Variants in ROBO2 observed in about 807,000 individuals in gnomAD.
ROBO2 encodes roundabout guidance receptor 2.
Under a neutral mutation model 160.8 loss-of-function variants are expected in ROBO2, and 53 were observed. The ratio of observed to expected loss-of-function variants is 0.33; its 90% confidence interval spans 0.26 to 0.41. The LOEUF (loss-of-function observed/expected upper bound fraction) is 0.41. Among genes scored for constraint, ROBO2 ranks in the 10% least tolerant of loss-of-function variants. The pLI is 1.00. For missense variants in ROBO2, 1,577 were observed against 1,722.4 expected, an observed-to-expected ratio of 0.92 and a Z score of 1.49; for synonymous variants, 664 against 611.7, an observed-to-expected ratio of 1.09 and a Z score of -1.26.
chr3:76,019,891 G>T (rs1196828157), intron 2 of ROBO2, among the ~76,000 whole-genome samples: 1 of 151,378 alleles, frequency 6.6e-6, no homozygotes, highest in Admixed American at 6.6e-5. Flanking sequence ...TCCCCACATG[G>T]TTAGGTTTCC....
intron 2 of ROBO2, among the ~76,000 whole-genome samples, chr3:76,389,182 T>G (rs1234194038): frequency 6.6e-6 from 1 of 152,246 alleles, no homozygotes; most frequent in Non-Finnish European, 1.5e-5. Context: ...CATTGTAAAC[T>G]GGTAATGAAA....
At position 77,012,185 on chromosome 3, in the gene ROBO2, T is replaced by C. The variant is rs7612756; in HGVS notation, c.110-85829T>C. Among the ~76,000 whole-genome samples, 964 of 152,276 alleles carry C rather than the reference T, an allele frequency of 6.3e-3. 9 individuals carry two copies. Among genetic ancestry groups the C allele is most frequent in the African/African-American group, 0.022 (921 of 41,556 alleles). ...TTTTATTTGATACTTCGGGAATGTGTACAGTTTATACTGTGGTTTTCTGTT... is the reference window on the plus strand; with the variant it reads ...TTTTATTTGATACTTCGGGAATGTGCACAGTTTATACTGTGGTTTTCTGTT... On this transcript the variant is annotated intron_variant, in intron 2 of 26. Coordinates refer to the ROBO2 transcript ENST00000487694.
At chr3:77,467,817 C>G (rs2082944122) in intron 2 of ROBO2, among the ~76,000 whole-genome samples, 1 of 151,566 alleles carries the variant, frequency 6.6e-6, no homozygotes, top group African/African-American at 2.4e-5. Context: ...TCTTCTAATG[C>G]CCAAAGTTAT....
intron 2 of ROBO2, among the ~76,000 whole-genome samples, chr3:76,906,503 T>C (rs1388808350): frequency 6.6e-6 from 1 of 151,772 alleles, no homozygotes; most frequent in Non-Finnish European, 1.5e-5. Flanking sequence ...CTGATAATAA[T>C]AATTATTATT....
chr3:76,986,454 T>C lies in ROBO2; in HGVS notation c.110-111560T>C, dbSNP rs143012478. ...TTTTAGGTAAACACAGGTAACCGTG[T>C]CTTAATTTCCTATTACTCATTGCCA... On this transcript the variant is annotated intron_variant, in intron 2 of 26. Transcript: ENST00000487694. Among the ~76,000 whole-genome samples, 890 of 152,184 alleles carry C rather than the reference T, an allele frequency of 5.8e-3. 10 individuals carry two copies. The highest frequency in any genetic ancestry group is 0.02 in the African/African-American group (849 of 41,538).
At chr3:75,960,982 CATA>C (rs1214145009) in intron 2 of ROBO2, among the ~76,000 whole-genome samples, 2 of 151,494 alleles carry the variant, frequency 1.3e-5, no homozygotes, top group African/African-American at 4.8e-5. Flanking sequence ...ATAATGGAGA[CATA>C]GTAGACAAGA....
At chr3:77,524,205 G>T (rs1028727349) in intron 6 of ROBO2, among the ~76,000 whole-genome samples, 1 of 151,078 alleles carries the variant, frequency 6.6e-6, no homozygotes, top group African/African-American at 2.4e-5. Context: ...AGACAAAATT[G>T]ACAGCTAGTT....
chr3:76,155,365 G>A lies in ROBO2; in HGVS notation c.109+217763G>A, dbSNP rs553626032. On this transcript the variant is annotated intron_variant, in intron 2 of 26. Transcript: ENST00000487694. ...CAATCTGCCAGATATGCAGAGAACC[G>A]TGAGAATGCAAATCAGCAAAATAGA... Among the ~76,000 whole-genome samples the A allele has an allele frequency of 1.7e-3, 252 of 152,224 alleles. 1 individual carries two copies. The highest frequency in any genetic ancestry group is 4.2e-3 in the African/African-American group (175 of 41,556).
chr3:76,359,631 A>G (rs1266144554), intron 2 of ROBO2, among the ~76,000 whole-genome samples: 2 of 152,040 alleles, frequency 1.3e-5, no homozygotes, highest in African/African-American at 2.4e-5. Context: ...CATCATTTCT[A>G]TCATAAGGAA....
intron 2 of ROBO2, among the ~76,000 whole-genome samples, chr3:76,808,430 C>G (rs1457619590): frequency 6.6e-6 from 1 of 151,972 alleles, no homozygotes; most frequent in Non-Finnish European, 1.5e-5. Flanking sequence ...AGGTAATATT[C>G]TAGGTGTTAG....
At chr3:76,471,431 A>G (rs769400235) in intron 2 of ROBO2, among the ~76,000 whole-genome samples, 7 of 152,128 alleles carry the variant, frequency 4.6e-5, no homozygotes, top group Admixed American at 1.3e-4. Context: ...CTACAAGGGA[A>G]GCCTGATAAC....
intron 2 of ROBO2, among the ~76,000 whole-genome samples, chr3:76,228,008 CCTTTA>C (rs1172768067): frequency 6.6e-6 from 1 of 151,986 alleles, no homozygotes; most frequent in Non-Finnish European, 1.5e-5. Context: ...TTGCTATTTT[CCTTTA>C]AAGTATTGAC....
chr3:77,153,445 A>G (rs183687431), intron 2 of ROBO2, among the ~76,000 whole-genome samples: 1 of 152,212 alleles, frequency 6.6e-6, no homozygotes, highest in African/African-American at 2.4e-5. Flanking sequence ...CATTCTTTGT[A>G]ATTACCATTG....
intron 2 of ROBO2, among the ~76,000 whole-genome samples, chr3:76,641,491 A>G (rs999607339): frequency 1.8e-4 from 27 of 152,210 alleles, no homozygotes; most frequent in African/African-American, 6.5e-4. Flanking sequence ...AAAAGTACAT[A>G]GATCATGAAG....
intron 2 of ROBO2, among the ~76,000 whole-genome samples, chr3:76,893,624 T>C (rs1015580421): frequency 2.0e-5 from 3 of 152,114 alleles, no homozygotes; most frequent in Admixed American, 6.6e-5. Context: ...TCAGGGTGTT[T>C]AAGGTATCCA....
chr3:76,668,349 C>T (rs1167466304), intron 2 of ROBO2, among the ~76,000 whole-genome samples: 1 of 152,016 alleles, frequency 6.6e-6, no homozygotes, highest in Admixed American at 6.6e-5. Flanking sequence ...CTCAAGTGAT[C>T]CTCCCACCTC....
intron 2 of ROBO2, among the ~76,000 whole-genome samples, chr3:77,171,709 G>A (rs957529483): frequency 6.6e-6 from 1 of 152,150 alleles, no homozygotes; most frequent in African/African-American, 2.4e-5. Flanking sequence ...TTTAAATGGT[G>A]GAGTATGTTC....
rs199687882 is a variant in ROBO2, at chr3:76,961,261, A to AAAC, written c.110-136751_110-136750insCAA. 2.2e-3 allele frequency among the ~76,000 whole-genome samples: 333 copies of AAAC among 151,790 alleles called. 2 individuals are homozygous for AAAC. The highest frequency in any genetic ancestry group is 7.6e-3 in the African/African-American group (313 of 41,360). On this transcript the variant is annotated intron_variant, in intron 2 of 26. Coordinates refer to the ROBO2 transcript ENST00000487694. Reference sequence around the variant, plus strand: ...TGTGCCACAGAGAAAAAAAAAAAAAAAAAAAAACACTAGTTTAGATTTCTT... The same window carrying AAAC: ...TGTGCCACAGAGAAAAAAAAAAAAAAAACAAAAAAACACTAGTTTAGATTTCTT...
chr3:76,259,733 A>G (rs1291272694), intron 2 of ROBO2, among the ~76,000 whole-genome samples: 2 of 152,122 alleles, frequency 1.3e-5, no homozygotes, highest in African/African-American at 4.8e-5. Context: ...CTTAGCTGTG[A>G]TGCAGATTCA....
Sources: gnomAD v4.1 joint callset for allele counts (sites outside exome capture counted in the v4.1 genomes callset) on GRCh38, gnomAD v4.1.1 for gene constraint, MANE v1.5 for transcripts, NCBI Gene and HGNC (gene_info 2026-07-23, HGNC 2026-07-21) for gene names.